Variants in UBXN8 observed in about 807,000 individuals in gnomAD.
UBXN8 encodes UBX domain protein 8, also known as UBX domain-containing protein 8.
In UBXN8, 27 loss-of-function variants were observed where a neutral mutation model predicts 32.1. That is an observed-to-expected ratio of 0.84 (90% CI 0.62 to 1.16). UBXN8 has a LOEUF of 1.16. Among genes scored for constraint, UBXN8 ranks in the 50% most tolerant of loss-of-function variants. The pLI, the probability that UBXN8 is intolerant of heterozygous loss-of-function variation, is 0.00. For missense variants in UBXN8, 306 were observed against 311.4 expected (o/e 0.98, Z 0.13); for synonymous variants, 109 against 111.8 (o/e 0.98, Z 0.16).
At chr8:30,761,352 C>T (rs1252012849) in intron 6 of UBXN8, among the ~76,000 whole-genome samples, 2 of 151,872 alleles carry the variant, frequency 1.3e-5, no homozygotes, top group Non-Finnish European at 1.5e-5. Context: ...TCAAGTGATT[C>T]TCCTGCCTCA....
At chr8:30,743,158 C>T (rs201902038), upstream of UBXN8, among the ~76,000 whole-genome samples, 1 of 136,828 alleles carries the variant, frequency 7.3e-6, no homozygotes, top group East Asian at 2.2e-4. Context: ...TTCTTTCTTT[C>T]TTTTTTTTTT....
chr8:30,753,805 C>G (rs1016136189), intron 3 of UBXN8, among the ~76,000 whole-genome samples: 1 of 130,148 alleles, frequency 7.7e-6, no homozygotes, highest in Admixed American at 9.1e-5. Context: ...CTGGGCCTCT[C>G]TCTGTTGCCC....
upstream of UBXN8, among the ~76,000 whole-genome samples, chr8:30,729,919 T>C (rs138314841): frequency 3.0e-4 from 46 of 152,222 alleles, 1 homozygote; most frequent in East Asian, 8.3e-3. Flanking sequence ...GCAGTGCTAG[T>C]AGCAAAGGGA....
chr8:30,735,134 A>C (rs1402633231), intron 1 of UBXN8, among the ~76,000 whole-genome samples: 1 of 152,214 alleles, frequency 6.6e-6, no homozygotes, highest in African/African-American at 2.4e-5. Context: ...GTGGACACTG[A>C]GGTTCAAAGA....
intron 1 of UBXN8, 142 bp downstream of exon 1, chr8:30,744,419 C>T: frequency 1.3e-6 from 1 of 770,434 alleles, no homozygotes; most frequent in East Asian, 2.7e-5. Flanking sequence ...TGCCCCCCCA[C>T]TTCCGGAGCT....
intron 1 of UBXN8, among the ~76,000 whole-genome samples, chr8:30,745,522 C>G (rs1171382472): frequency 1.3e-5 from 2 of 152,174 alleles, no homozygotes. Context: ...TCCACATTTT[C>G]TCCCTGCTCA....
upstream of UBXN8, among the ~76,000 whole-genome samples, chr8:30,742,755 A>C (rs1241727695): frequency 1.3e-5 from 2 of 152,128 alleles, no homozygotes; most frequent in African/African-American, 4.8e-5. Context: ...CTTTGAACAC[A>C]ACGTAGGCGT....
At chr8:30,732,336 G>A (rs748598236), upstream of UBXN8, 13 of 398,228 alleles carry the variant, frequency 3.3e-5, no homozygotes, top group Non-Finnish European at 5.8e-5. Flanking sequence ...GGTATAAGGT[G>A]TCCAAGAAAA....
intron 1 of UBXN8, chr8:30,734,043 G>A (rs1193818123): frequency 6.6e-6 from 1 of 152,180 alleles, no homozygotes; most frequent in Non-Finnish European, 1.5e-5. Context: ...GTGCAGCTTC[G>A]AATTTGTCTT....
At chr8:30,748,226 A>C (rs1805418636) in intron 1 of UBXN8, among the ~76,000 whole-genome samples, 1 of 151,740 alleles carries the variant, frequency 6.6e-6, no homozygotes, top group Admixed American at 6.6e-5. Context: ...TCTGGGTTCA[A>C]GTGATTCTCC....
Position 30,747,307 on chromosome 8 carries a change from G to GTTTT in UBXN8, c.88+3048_88+3051dup, listed in dbSNP as rs59568820. 2.4e-3 allele frequency among the ~76,000 whole-genome samples: 196 copies of GTTTT among 81,644 alleles called. 4 individuals are homozygous for GTTTT. Among genetic ancestry groups the GTTTT allele is most frequent in the East Asian group, 2.8e-3 (7 of 2,526 alleles). 53.6% of individuals were successfully genotyped at this position (81,644 alleles called of 152,430 possible). On this transcript the variant is annotated intron_variant, in intron 1 of 7. Transcript: ENST00000265616. Reference sequence around the variant, plus strand: ...AACATAAATCCCACACCTCAGTGGTGTTTTTTTTTTTTTTTTTTTTTGAGA... The same window carrying GTTTT: ...AACATAAATCCCACACCTCAGTGGTGTTTTTTTTTTTTTTTTTTTTTTTTTGAGA...
rs61377373 is a variant in UBXN8, at chr8:30,752,467, C to G, written c.212-568C>G. The stretch of plus-strand genomic sequence containing the variant: ...GGACTACAGGTGTGTACCACTGCAC[C>G]TGGCTAATTTTTGTAGTTTTTATAG... On this transcript the variant is annotated intron_variant, in intron 2 of 7. Coordinates refer to ENST00000265616, the MANE Select transcript of UBXN8 (RefSeq NM_005671.4). 1.2e-4 allele frequency among the ~76,000 whole-genome samples: 18 copies of G among 152,194 alleles called. No individual in the cohort carries two copies. The East Asian group carries it at 3.3e-3, about 28-fold the overall frequency.
At chr8:30,744,058 C>A, upstream of UBXN8, 1 of 760,458 alleles carries the variant, frequency 1.3e-6, no homozygotes, top group Non-Finnish European at 2.2e-6. Flanking sequence ...TCAATAACGA[C>A]ACGGCCGTCA....
At chr8:30,751,060 G>A (rs1021531593) in intron 1 of UBXN8, among the ~76,000 whole-genome samples, 6 of 152,112 alleles carry the variant, frequency 3.9e-5, no homozygotes, top group African/African-American at 9.7e-5. Flanking sequence ...TTGAGCATCC[G>A]TGGATTTTGG....
In UBXN8 at chr8:30,738,517, C is replaced by T. The variant is rs181012952; in HGVS notation, c.622+5209C>T. On this transcript the variant is annotated intron_variant, in intron 1 of 1. Coordinates refer to the UBXN8 transcript ENST00000522968. ...CTACTAAAAATACAAAAAAAATTAG[C>T]CGGCATGGTGGCAGGCGCCTGTAGT... Among the ~76,000 whole-genome samples, 879 of 151,436 alleles carry T rather than the reference C, an allele frequency of 5.8e-3. 7 individuals carry two copies. Among genetic ancestry groups the T allele is most frequent in the Admixed American group, 0.01 (159 of 15,210 alleles).
chr8:30,737,245 C>T (rs12541868), intron 1 of UBXN8, among the ~76,000 whole-genome samples: 2,363 of 151,950 alleles, frequency 0.016, 31 homozygotes, highest in South Asian at 0.023. Context: ...TGCTTTTTGG[C>T]ATGATGGTGC....
upstream of UBXN8, among the ~76,000 whole-genome samples, chr8:30,729,606 G>A (rs1804902906): frequency 2.0e-5 from 3 of 152,056 alleles, no homozygotes; most frequent in Admixed American, 2.0e-4. Context: ...GTGTGAGCTT[G>A]GTGTTTTGTC....
At chr8:30,759,457 A>C (rs1805765869) in intron 5 of UBXN8, among the ~76,000 whole-genome samples, 1 of 144,316 alleles carries the variant, frequency 6.9e-6, no homozygotes, top group South Asian at 2.2e-4. Context: ...CTGGTCTCAA[A>C]CTCCTGACCT....
chr8:30,754,442 T>C, intron 3 of UBXN8: 6 of 625,534 alleles, frequency 9.6e-6, no homozygotes, highest in South Asian at 8.9e-5. Flanking sequence ...CACAACCTGG[T>C]TGATACTGTC....
Sources: allele counts gnomAD v4.1 joint callset (sites outside exome capture counted in the v4.1 genomes callset), GRCh38; gene constraint gnomAD v4.1.1; transcripts MANE v1.5; gene names NCBI Gene and HGNC (gene_info 2026-07-23, HGNC 2026-07-21).